RGSL1: variants seen among roughly 807,000 people sequenced by gnomAD.
RGSL1 encodes the protein regulator of G protein signaling protein-like.
Under a neutral mutation model 124.7 loss-of-function variants are expected in RGSL1, and 97 were observed. That is an observed-to-expected ratio of 0.78 (90% confidence interval 0.66 to 0.92). The LOEUF (loss-of-function observed/expected upper bound fraction) is 0.92, where lower values mean the gene tolerates loss of function less well. Among genes scored for constraint, RGSL1 ranks in the 40% least tolerant of loss-of-function variants. The pLI is 0.00. For synonymous variants in RGSL1, 424 were observed against 438.1 expected, an observed-to-expected ratio of 0.97 and a Z score of 0.40; for missense variants, 1,233 against 1,288.4, an observed-to-expected ratio of 0.96 and a Z score of 0.66.
chr1:182,551,734 A>G (rs1571718892), intron 18 of RGSL1, among the ~76,000 whole-genome samples: 1 of 125,258 alleles, frequency 8.0e-6, no homozygotes, highest in African/African-American at 3.1e-5. Context: ...GTAAATATGC[A>G]TACATATATA....
chr1:182,460,045 C>G lies in RGSL1; in HGVS notation c.213C>G (p.Cys71Trp). The change falls in exon 4 of 22, where the codon TGC (cysteine) becomes TGG (tryptophan). Residue 71 changes from cysteine (C) to tryptophan (W), a missense_variant. By Grantham distance (215) the Cys-to-Trp change is radical. Coordinates refer to ENST00000294854, the MANE Select transcript of RGSL1 (RefSeq NM_001137669.2). ...YKGLLTWLEK[C>W]RLPFFCKTNL... ...GGTTATTGACCTGGTTGGAAAAATGCCGATTACCTTTCTTCTGTAAAACAA... is the reference window on the plus strand; with the variant it reads ...GGTTATTGACCTGGTTGGAAAAATGGCGATTACCTTTCTTCTGTAAAACAA... The G allele has an allele frequency of 6.4e-7, 1 of 1,551,612 alleles. No individual in the cohort carries two copies. Among genetic ancestry groups the G allele is most frequent in the Non-Finnish European group, 8.7e-7 (1 of 1,146,968 alleles).
chr1:182,509,431 C>T (rs1431267928), intron 9 of RGSL1, among the ~76,000 whole-genome samples: 2 of 20,418 alleles, frequency 9.8e-5, no homozygotes, highest in African/African-American at 1.9e-4. Flanking sequence ...GGCGGCTGGC[C>T]GGGCAGAGGG....
At chr1:182,487,436 A>G (rs142563103) in intron 6 of RGSL1, among the ~76,000 whole-genome samples, 1 of 152,274 alleles carries the variant, frequency 6.6e-6, no homozygotes, top group South Asian at 2.1e-4. Context: ...TGAAGTACTC[A>G]TGATTCCCAA....
chr1:182,463,350 A>G (rs2102005960), intron 4 of RGSL1, among the ~76,000 whole-genome samples: 1 of 152,234 alleles, frequency 6.6e-6, no homozygotes, highest in East Asian at 1.9e-4. Context: ...AAACTTTCCA[A>G]TAAAAAGACA....
At chr1:182,554,784 C>A in intron 20 of RGSL1, 91 bp downstream of exon 20, 3 of 1,226,754 alleles carry the variant, frequency 2.4e-6, no homozygotes, top group East Asian at 2.6e-5. Context: ...CAGAGACTAG[C>A]CTCATACCCT....
At chr1:182,468,312 G>T (rs112537550) in intron 4 of RGSL1, among the ~76,000 whole-genome samples, 6 of 152,268 alleles carry the variant, frequency 3.9e-5, no homozygotes, top group African/African-American at 1.4e-4. Context: ...AAAGACGCAT[G>T]CACACGTATG....
At chr1:182,513,839 A>C (rs1657654010) in intron 9 of RGSL1, among the ~76,000 whole-genome samples, 2 of 151,378 alleles carry the variant, frequency 1.3e-5, no homozygotes, top group South Asian at 4.2e-4. Flanking sequence ...GGTGTACTTT[A>C]CCAAGGCTCC....
intron 9 of RGSL1, among the ~76,000 whole-genome samples, chr1:182,521,113 A>G (rs938822521): frequency 1.3e-5 from 2 of 152,214 alleles, no homozygotes; most frequent in African/African-American, 2.4e-5. Flanking sequence ...TCTGTTGACC[A>G]GGCTGGAGTG....
intron 9 of RGSL1, among the ~76,000 whole-genome samples, chr1:182,515,540 TAAA>T (rs1418362559): frequency 1.1e-3 from 39 of 35,640 alleles, no homozygotes; most frequent in African/African-American, 5.0e-3. Flanking sequence ...CAGTTTAAAG[TAAA>T]AAAAAAAAAA....
Position 182,527,572 on chromosome 1 carries a change from T to G in RGSL1, c.1932-7T>G. 1 of 1,537,450 alleles carries G rather than the reference T, an allele frequency of 6.5e-7. No individual in the cohort carries two copies. ...CTCTCTACCAAAGATGCTTTCTTGTTTTCCAGAAACTTGACAGAAGTCCTC... is the reference window on the plus strand; with the variant it reads ...CTCTCTACCAAAGATGCTTTCTTGTGTTCCAGAAACTTGACAGAAGTCCTC... On this transcript the variant is annotated splice_region_variant and splice_polypyrimidine_tract_variant and intron_variant, in intron 10 of 21. Transcript: ENST00000294854.
intron 9 of RGSL1, among the ~76,000 whole-genome samples, chr1:182,513,698 A>G (rs186693188): frequency 7.2e-5 from 11 of 152,242 alleles, no homozygotes; most frequent in African/African-American, 2.4e-4. Context: ...AACCACTTTC[A>G]GGAGGTTCTC....
chr1:182,473,774 C>A lies in RGSL1; in HGVS notation c.663C>A (p.Ser221Arg). ...LMQEYETRLY[S>R]VCYTHIGGLP... ...AAGAGTACGAGACTCGCTTATACAG[C>A]GTTTGCTACACCCACATAGGAGGGC... Residue 221 changes from serine (S) to arginine (R), a missense_variant, in exon 6 of 22, where the codon AGC becomes AGA. By Grantham distance (110) the Ser-to-Arg change is moderately radical. Coordinates refer to ENST00000294854, the MANE Select transcript of RGSL1 (RefSeq NM_001137669.2). 2 of 1,551,688 alleles carry A rather than the reference C, an allele frequency of 1.3e-6. No homozygotes were observed. Among genetic ancestry groups the A allele is most frequent in the South Asian group, 1.2e-5 (1 of 84,060 alleles).
At chr1:182,463,596 T>A (rs1653032461) in intron 4 of RGSL1, among the ~76,000 whole-genome samples, 1 of 152,170 alleles carries the variant, frequency 6.6e-6, no homozygotes, top group Admixed American at 6.5e-5. Context: ...GACTTTAAGT[T>A]TTAAAAAAAG....
intron 6 of RGSL1, among the ~76,000 whole-genome samples, chr1:182,475,458 C>G (rs1171311683): frequency 6.6e-6 from 1 of 152,114 alleles, no homozygotes; most frequent in East Asian, 1.9e-4. Flanking sequence ...GGGGCAACCA[C>G]AGGGATAGTG....
intron 9 of RGSL1, among the ~76,000 whole-genome samples, chr1:182,509,710 CGGGG>C (rs553499727): frequency 7.5e-6 from 1 of 134,120 alleles, no homozygotes; most frequent in Non-Finnish European, 1.6e-5. Context: ...GCTGGCCGGG[CGGGG>C]GGCTGACCCC....
intron 2 of RGSL1, among the ~76,000 whole-genome samples, chr1:182,456,863 G>A (rs1429908815): frequency 3.3e-5 from 5 of 151,982 alleles, no homozygotes; most frequent in East Asian, 3.9e-4. Context: ...TTTTACCAAC[G>A]GATCTCAGAA....
At chr1:182,493,170 T>C (rs1339673449) in intron 9 of RGSL1, 41 bp downstream of exon 9, 8 of 1,311,148 alleles carry the variant, frequency 6.1e-6, no homozygotes, top group Non-Finnish European at 8.6e-6. Flanking sequence ...CAACTAGGTT[T>C]TTTCAAATCT....
intron 15 of RGSL1, among the ~76,000 whole-genome samples, chr1:182,544,987 A>G (rs773807249): frequency 8.5e-5 from 13 of 152,216 alleles, no homozygotes; most frequent in Admixed American, 6.5e-5. Context: ...GTCTATTTGC[A>G]GTCAACATTC....
chr1:182,448,508 G>C (rs535344012), upstream of RGSL1: 1 of 152,136 alleles, frequency 6.6e-6, no homozygotes, highest in African/African-American at 2.4e-5. Context: ...ACAGACGTGA[G>C]CCACTGCATC....
Sources: gnomAD v4.1 joint callset for allele counts (sites outside exome capture counted in the v4.1 genomes callset) on GRCh38, gnomAD v4.1.1 for gene constraint, MANE v1.5 for transcripts, NCBI Gene and HGNC (gene_info 2026-07-23, HGNC 2026-07-21) for gene names.